Variants in SNTG1 observed in about 807,000 individuals in gnomAD.
The protein encoded by SNTG1 is syntrophin gamma 1.
Under a neutral mutation model 74.7 loss-of-function variants are expected in SNTG1, and 39 were observed. The ratio of observed to expected loss-of-function variants is 0.52; its 90% confidence interval spans 0.40 to 0.68. SNTG1 has a LOEUF of 0.68. SNTG1 is among the 30% of genes least tolerant of loss of function. SNTG1 has a pLI of 0.00. For synonymous variants in SNTG1, 254 were observed against 217.1 expected, an observed-to-expected ratio of 1.17 and a Z score of -1.49; for missense variants, 685 against 609.5, an observed-to-expected ratio of 1.12 and a Z score of -1.30.
chr8:50,107,383 T>C (rs962469219), intron 1 of SNTG1, among the ~76,000 whole-genome samples: 7 of 152,134 alleles, frequency 4.6e-5, no homozygotes, highest in Admixed American at 3.9e-4. Context: ...TTCTCACACA[T>C]GTATGATATT....
intron 15 of SNTG1, among the ~76,000 whole-genome samples, chr8:50,685,276 G>A (rs2095347685): frequency 6.6e-6 from 1 of 152,146 alleles, no homozygotes; most frequent in Non-Finnish European, 1.5e-5. Flanking sequence ...GTAAATGCTA[G>A]TGACATGAGA....
Position 50,759,422 on chromosome 8 carries a change from C to T in SNTG1, c.1395+7311C>T, listed in dbSNP as rs571353252. 3.3e-3 allele frequency among the ~76,000 whole-genome samples: 498 copies of T among 152,076 alleles called. 2 individuals are homozygous for T. Among genetic ancestry groups the T allele is most frequent in the Non-Finnish European group, 4.9e-3 (332 of 67,992 alleles). On this transcript the variant is annotated intron_variant, in intron 18 of 18. Transcript: ENST00000642720. ...TGAATGGTATTGCCTAGGTTTTCTT[C>T]TAGGGGTTTTATGGTTTTAGGTCTT...
At chr8:50,468,524 G>A (rs559168186) in intron 8 of SNTG1, among the ~76,000 whole-genome samples, 1 of 152,150 alleles carries the variant, frequency 6.6e-6, no homozygotes, top group South Asian at 2.1e-4. Context: ...AAACCTATAG[G>A]AGTCTTCAAT....
intron 2 of SNTG1, among the ~76,000 whole-genome samples, chr8:50,232,639 A>G (rs2085687102): frequency 6.6e-6 from 1 of 151,442 alleles, no homozygotes; most frequent in South Asian, 2.1e-4. Flanking sequence ...AAGAAATAAT[A>G]TTGTCCCTAT....
At chr8:50,457,665 C>G (rs565138208) in intron 8 of SNTG1, among the ~76,000 whole-genome samples, 4 of 152,100 alleles carry the variant, frequency 2.6e-5, no homozygotes, top group Admixed American at 6.5e-5. Context: ...ATAGACAAGA[C>G]GGGGGGAATC....
intron 15 of SNTG1, among the ~76,000 whole-genome samples, chr8:50,680,766 C>T (rs530217623): frequency 3.5e-4 from 53 of 152,134 alleles, no homozygotes; most frequent in African/African-American, 1.2e-3. Flanking sequence ...GGCTGCGGCC[C>T]TGGAATGAGA....
chr8:50,508,776 T>C (rs936608252), intron 9 of SNTG1, among the ~76,000 whole-genome samples: 3 of 152,214 alleles, frequency 2.0e-5, no homozygotes, highest in African/African-American at 7.2e-5. Context: ...TGTTTGTTTT[T>C]TTCTTGTAAA....
chr8:50,210,817 A>C (rs2084485266), intron 2 of SNTG1, among the ~76,000 whole-genome samples: 1 of 152,164 alleles, frequency 6.6e-6, no homozygotes, highest in Non-Finnish European at 1.5e-5. Flanking sequence ...AAAACAAAAA[A>C]CATAATTCAT....
At chr8:50,543,254 G>A (rs1365788374) in intron 11 of SNTG1, among the ~76,000 whole-genome samples, 17 of 152,096 alleles carry the variant, frequency 1.1e-4, no homozygotes, top group Non-Finnish European at 5.9e-5. Context: ...TTATTTTTGT[G>A]TATGGTGAGG....
chr8:50,526,917 C>A (rs566085403), intron 9 of SNTG1, among the ~76,000 whole-genome samples: 1 of 152,076 alleles, frequency 6.6e-6, no homozygotes, highest in Non-Finnish European at 1.5e-5. Context: ...GCACCGCGCC[C>A]GGCCCGAAGT....
chr8:50,783,346 C>T (rs1563835723), intron 18 of SNTG1, among the ~76,000 whole-genome samples: 2 of 152,228 alleles, frequency 1.3e-5, no homozygotes, highest in African/African-American at 2.4e-5. Context: ...ATTGTGGGCT[C>T]CACCCAGTTT....
chr8:50,380,694 T>C (rs2092465292), intron 2 of SNTG1, among the ~76,000 whole-genome samples: 1 of 152,218 alleles, frequency 6.6e-6, no homozygotes. Context: ...GAAGCAGTCT[T>C]ATGTTTTATA....
intron 13 of SNTG1, among the ~76,000 whole-genome samples, chr8:50,604,904 C>T (rs184250267): frequency 7.6e-4 from 116 of 152,266 alleles, no homozygotes; most frequent in Admixed American, 6.7e-3. Flanking sequence ...CCATGGCATA[C>T]GAACAAGGTA....
At chr8:50,057,269 G>C (rs367979696) in intron 1 of SNTG1, among the ~76,000 whole-genome samples, 3 of 152,158 alleles carry the variant, frequency 2.0e-5, no homozygotes, top group African/African-American at 4.8e-5. Context: ...ATGCTGAGTG[G>C]AAATGCAGCT....
At chr8:50,524,405 A>C (rs2094203953) in intron 9 of SNTG1, among the ~76,000 whole-genome samples, 1 of 152,138 alleles carries the variant, frequency 6.6e-6, no homozygotes, top group Admixed American at 6.6e-5. Flanking sequence ...TATTAAAAAT[A>C]AGTCACCTAG....
chr8:50,536,610 G>A (rs1454314837), intron 10 of SNTG1, 68 bp from the exon 11 acceptor site: 2 of 1,548,402 alleles, frequency 1.3e-6, no homozygotes, highest in African/African-American at 1.4e-5. Flanking sequence ...CAGATAAAAG[G>A]GGTTTGAGAT....
chr8:50,175,225 C>G (rs907685822), intron 2 of SNTG1, among the ~76,000 whole-genome samples: 19 of 152,066 alleles, frequency 1.2e-4, no homozygotes, highest in African/African-American at 4.3e-4. Context: ...TGGGTATATA[C>G]CCAGTAATGG....
chr8:50,116,433 C>T (rs1055643040), intron 1 of SNTG1, among the ~76,000 whole-genome samples: 1 of 152,036 alleles, frequency 6.6e-6, no homozygotes, highest in African/African-American at 2.4e-5. Context: ...TGATTTTTAC[C>T]CACCCTTTGA....
intron 15 of SNTG1, among the ~76,000 whole-genome samples, chr8:50,694,485 C>T (rs2095396084): frequency 6.6e-6 from 1 of 152,084 alleles, no homozygotes; most frequent in Non-Finnish European, 1.5e-5. Context: ...CTGATGGCCT[C>T]ACTGTTGAAT....
Sources: allele counts gnomAD v4.1 joint callset (sites outside exome capture counted in the v4.1 genomes callset), GRCh38; gene constraint gnomAD v4.1.1; transcripts MANE v1.5; gene names NCBI Gene and HGNC (gene_info 2026-07-23, HGNC 2026-07-21).